TIMP3: variants seen among roughly 807,000 people sequenced by gnomAD.
The protein encoded by TIMP3 is TIMP metallopeptidase inhibitor 3.
TIMP3 carries 11 observed loss-of-function variants against 30.0 expected under a neutral mutation model. That is an observed-to-expected ratio of 0.37 (90% confidence interval 0.23 to 0.61). The LOEUF (loss-of-function observed/expected upper bound fraction) is 0.61. TIMP3 is among the 20% of genes least tolerant of loss of function. The probability of loss-of-function intolerance (pLI) is 0.70; values close to 1 mark genes in which losing one functional copy is unlikely to be tolerated. For missense variants in TIMP3, 181 were observed against 276.8 expected, an observed-to-expected ratio of 0.65 and a Z score of 2.45; for synonymous variants, 112 against 111.3, an observed-to-expected ratio of 1.01 and a Z score of -0.04.
chr22:32,857,132 C>A (rs779332917), intron 2 of TIMP3, 117 bp from the exon 3 acceptor site: 2 of 788,674 alleles, frequency 2.5e-6, no homozygotes, highest in Non-Finnish European at 4.5e-6. Flanking sequence ...AGAGTGCAGA[C>A]CCCTCTTCCA....
chr22:32,808,232 G>A (rs1212030686), intron 1 of TIMP3, among the ~76,000 whole-genome samples: 2 of 152,176 alleles, frequency 1.3e-5, no homozygotes, highest in Non-Finnish European at 2.9e-5. Context: ...AAAGGTATAT[G>A]TGGCTGTGTT....
At chr22:32,858,393 G>A (rs1222071513) in intron 4 of TIMP3, among the ~76,000 whole-genome samples, 1 of 152,170 alleles carries the variant, frequency 6.6e-6, no homozygotes, top group Non-Finnish European at 1.5e-5. Flanking sequence ...AAGCTGCTGG[G>A]GCATGAGGGC....
At chr22:32,802,643 C>T (rs1000090574) in intron 1 of TIMP3, among the ~76,000 whole-genome samples, 6 of 152,168 alleles carry the variant, frequency 3.9e-5, no homozygotes, top group Non-Finnish European at 8.8e-5. Flanking sequence ...CAGCTGCAGG[C>T]TTCCCAGGCA....
intron 1 of TIMP3, among the ~76,000 whole-genome samples, chr22:32,808,390 G>A (rs1016872053): frequency 1.3e-5 from 2 of 152,188 alleles, no homozygotes; most frequent in African/African-American, 4.8e-5. Context: ...TGGTCACAAG[G>A]AGGAGGATGG....
At chr22:32,809,846 G>A (rs5754292) in intron 1 of TIMP3, among the ~76,000 whole-genome samples, 4 of 152,132 alleles carry the variant, frequency 2.6e-5, no homozygotes, top group Non-Finnish European at 4.4e-5. Flanking sequence ...TTGGTATATC[G>A]CTGTCCTTTG....
At chr22:32,859,135 T>A in intron 4 of TIMP3, 45 bp from the exon 5 acceptor site, 1 of 1,608,188 alleles carries the variant, frequency 6.2e-7, no homozygotes, top group Non-Finnish European at 8.5e-7. Context: ...GGCCTGGGCA[T>A]ACCATGGCAG....
Position 32,843,721 on chromosome 22 carries a change from T to C in TIMP3, c.122-5731T>C, listed in dbSNP as rs184867941. Among the ~76,000 whole-genome samples, 142 of 152,324 alleles carry C rather than the reference T, an allele frequency of 9.3e-4. 1 individual carries two copies. The East Asian group carries it at 0.025, about 27-fold the overall frequency. The stretch of plus-strand genomic sequence containing the variant: ...TGCGAGCCCATGGTCCAGGCTTTTC[T>C]TCCTACCTAGAGCCTGCCTGCTGGG... On this transcript the variant is annotated intron_variant, in intron 1 of 4. Transcript: ENST00000266085.
intron 1 of TIMP3, among the ~76,000 whole-genome samples, chr22:32,825,891 T>C (rs1156874417): frequency 1.3e-5 from 2 of 152,000 alleles, no homozygotes; most frequent in Admixed American, 6.6e-5. Context: ...TGAACTGATA[T>C]ATTGGGATTG....
intron 1 of TIMP3, among the ~76,000 whole-genome samples, chr22:32,845,232 C>T (rs1187582060): frequency 2.0e-5 from 3 of 152,000 alleles, no homozygotes; most frequent in Non-Finnish European, 4.4e-5. Flanking sequence ...GAATCTCGCT[C>T]TGTTTCCAGG....
At chr22:32,825,778 G>A (rs928771140) in intron 1 of TIMP3, among the ~76,000 whole-genome samples, 1 of 145,754 alleles carries the variant, frequency 6.9e-6, no homozygotes, top group African/African-American at 2.5e-5. Flanking sequence ...AAACACACAA[G>A]GATGTTTATC....
intron 1 of TIMP3, among the ~76,000 whole-genome samples, chr22:32,827,191 C>T (rs981635401): frequency 3.3e-5 from 5 of 152,314 alleles, no homozygotes; most frequent in Middle Eastern, 3.4e-3. Flanking sequence ...AGGAATTCAG[C>T]GAGTGACTTT....
chr22:32,838,764 C>T (rs2047809505), intron 1 of TIMP3, among the ~76,000 whole-genome samples: 1 of 151,948 alleles, frequency 6.6e-6, no homozygotes, highest in African/African-American at 2.4e-5. Context: ...TCCCCGTCTT[C>T]GTTATTGTAT....
chr22:32,817,963 G>A (rs2047131775), intron 1 of TIMP3, among the ~76,000 whole-genome samples: 1 of 152,148 alleles, frequency 6.6e-6, no homozygotes, highest in Admixed American at 6.5e-5. Flanking sequence ...TTTACCGATA[G>A]GAGCACCTTT....
chr22:32,832,445 G>A (rs1266333863), intron 1 of TIMP3, among the ~76,000 whole-genome samples: 1 of 151,432 alleles, frequency 6.6e-6, no homozygotes, highest in African/African-American at 2.4e-5. Context: ...AACTCACATA[G>A]AAAATGAATG....
At chr22:32,848,554 ACAGCCCTTC>A (rs1180244032) in intron 1 of TIMP3, among the ~76,000 whole-genome samples, 1 of 152,190 alleles carries the variant, frequency 6.6e-6, no homozygotes, top group Non-Finnish European at 1.5e-5. Context: ...TTTCATTGGA[ACAGCCCTTC>A]CATGGTTAGC....
At position 32,859,084 on chromosome 22, in the gene TIMP3, T is replaced by C; in HGVS notation, c.439-96T>C. The C allele has an allele frequency of 2.5e-6, 3 of 1,218,074 alleles. No individual in the cohort carries two copies. In the South Asian group the frequency reaches 3.7e-5, roughly 15 times the overall value. The allele number at this position is 1,218,074 out of a possible 1,614,324, so 75.5% of individuals were successfully genotyped here. A position where few individuals can be genotyped will look rare whatever the true frequency, so the allele number is the denominator to read the frequency against. On this transcript the variant is annotated intron_variant, in intron 4 of 4. Coordinates refer to ENST00000266085, the MANE Select transcript of TIMP3 (RefSeq NM_000362.5). ...GGGACTGATGTGGCTAGGCTTCCCA[T>C]GCAGTGGCCCCAGGGTCTGAATCCA... is the stretch of plus-strand genomic sequence containing the variant.
At chr22:32,854,210 A>T (rs1270465016) in intron 2 of TIMP3, among the ~76,000 whole-genome samples, 1 of 152,180 alleles carries the variant, frequency 6.6e-6, no homozygotes, top group Admixed American at 6.5e-5. Context: ...TCTTTTCAGA[A>T]TTGACCCTAA....
Position 32,857,235 on chromosome 22 carries a change from C to T in TIMP3, c.205-14C>T, listed in dbSNP as rs753332932. On this transcript the variant is annotated splice_polypyrimidine_tract_variant and intron_variant, in intron 2 of 4. Transcript: ENST00000266085. ...CTGGGAAAGAAGAAGTCATGATGTTCCTTTTGCCCACAGATGTACCGAGGC... is the reference window on the plus strand; with the variant it reads ...CTGGGAAAGAAGAAGTCATGATGTTTCTTTTGCCCACAGATGTACCGAGGC... The T allele has an allele frequency of 1.4e-5, 23 of 1,600,262 alleles. No individual in the cohort carries two copies. In the Admixed American group the frequency reaches 3.8e-4, roughly 27 times the overall value.
intron 1 of TIMP3, among the ~76,000 whole-genome samples, chr22:32,805,500 C>A (rs1271250332): frequency 6.6e-6 from 1 of 152,118 alleles, no homozygotes; most frequent in Non-Finnish European, 1.5e-5. Context: ...TCTGGGGGAC[C>A]CAGGCTGTGG....
Sources: allele counts gnomAD v4.1 joint callset (sites outside exome capture counted in the v4.1 genomes callset), GRCh38; gene constraint gnomAD v4.1.1; transcripts MANE v1.5; gene names NCBI Gene and HGNC (gene_info 2026-07-23, HGNC 2026-07-21).